Variants in NAV2 observed in about 807,000 individuals in gnomAD.
NAV2 encodes neuron navigator 2.
NAV2 carries 54 observed loss-of-function variants against 223.2 expected under a neutral mutation model. That is an observed-to-expected ratio of 0.24 (90% CI 0.19 to 0.30). The LOEUF is 0.30. Ranked by LOEUF, NAV2 falls within the 10% of genes least tolerant of loss-of-function variation. The probability of loss-of-function intolerance (pLI) is 1.00; values close to 1 mark genes in which losing one functional copy is unlikely to be tolerated. For synonymous variants in NAV2, 1,279 were observed against 1,239.3 expected, an observed-to-expected ratio of 1.03 and a Z score of -0.67; for missense variants, 2,806 against 3,147.5, an observed-to-expected ratio of 0.89 and a Z score of 2.60.
chr11:19,432,973 T>C (rs958812048), intron 1 of NAV2, among the ~76,000 whole-genome samples: 9 of 152,212 alleles, frequency 5.9e-5, no homozygotes, highest in African/African-American at 1.9e-4. Context: ...ACCCCATTCC[T>C]TTCCATATTG....
At chr11:20,040,451 G>A (rs2056806481) in intron 12 of NAV2, among the ~76,000 whole-genome samples, 1 of 152,176 alleles carries the variant, frequency 6.6e-6, no homozygotes, top group African/African-American at 2.4e-5. Flanking sequence ...TTTTATACAT[G>A]AGTTAATAAG....
chr11:20,082,541 T>G, intron 25 of NAV2: 1 of 1,606,608 alleles, frequency 6.2e-7, no homozygotes, highest in Non-Finnish European at 8.5e-7. Context: ...TGTTAAAAAA[T>G]TGTCTTTTTT....
chr11:19,695,040 G>A lies in NAV2; in HGVS notation c.76-137444G>A, dbSNP rs554264917. Among the ~76,000 whole-genome samples, 9 of 152,318 alleles carry A rather than the reference G, an allele frequency of 5.9e-5. No homozygotes were observed. The South Asian group carries it at 1.7e-3, about 28-fold the overall frequency. On this transcript the variant is annotated intron_variant, in intron 1 of 37. Coordinates refer to the NAV2 transcript ENST00000360655. The stretch of plus-strand genomic sequence containing the variant: ...TGCCTGAGAGAGCTGCCACCACTTG[G>A]CTTGGATCAGGGAATGTACTCCCAG...
chr11:20,117,736 T>C (rs2063241082), intron 37 of NAV2, among the ~76,000 whole-genome samples: 1 of 152,168 alleles, frequency 6.6e-6, no homozygotes, highest in South Asian at 2.1e-4. Context: ...CACACCTTCA[T>C]CCAGGCCGAG....
chr11:19,733,727 C>A (rs532269038), intron 1 of NAV2, among the ~76,000 whole-genome samples: 1 of 151,876 alleles, frequency 6.6e-6, no homozygotes, highest in African/African-American at 2.4e-5. Context: ...TAGGGGAAGG[C>A]GGGCTGAAAA....
At chr11:19,698,927 C>A (rs2049427264) in intron 1 of NAV2, among the ~76,000 whole-genome samples, 1 of 152,158 alleles carries the variant, frequency 6.6e-6, no homozygotes, top group Non-Finnish European at 1.5e-5. Flanking sequence ...CTTTTCCATA[C>A]CTGAACTCCA....
chr11:19,913,052 G>T (rs1011587532), intron 6 of NAV2, among the ~76,000 whole-genome samples: 3 of 152,144 alleles, frequency 2.0e-5, no homozygotes, highest in Non-Finnish European at 4.4e-5. Flanking sequence ...ACTCCTCCAG[G>T]ATTACAGCTG....
chr11:19,386,962 C>A (rs1388105191), intron 1 of NAV2, among the ~76,000 whole-genome samples: 1 of 152,066 alleles, frequency 6.6e-6, no homozygotes, highest in Non-Finnish European at 1.5e-5. Flanking sequence ...GTGCTGGGAG[C>A]TGCTTATCAA....
At chr11:19,387,158 G>A (rs1286870564) in intron 1 of NAV2, among the ~76,000 whole-genome samples, 1 of 152,190 alleles carries the variant, frequency 6.6e-6, no homozygotes, top group Admixed American at 6.5e-5. Flanking sequence ...ACACGAGACA[G>A]TTGATTGGTT....
chr11:20,077,331 G>C (rs1311243697), intron 22 of NAV2, among the ~76,000 whole-genome samples: 1 of 152,074 alleles, frequency 6.6e-6, no homozygotes, highest in Non-Finnish European at 1.5e-5. Flanking sequence ...GGGAAAAGAT[G>C]TACAAGGGCC....
chr11:19,579,562 A>C (rs934242124), intron 1 of NAV2, among the ~76,000 whole-genome samples: 6 of 152,246 alleles, frequency 3.9e-5, no homozygotes, highest in Non-Finnish European at 7.3e-5. Flanking sequence ...ATCATCTTGA[A>C]TATGTTGATT....
chr11:19,401,611 G>A (rs1697292085), intron 1 of NAV2, among the ~76,000 whole-genome samples: 1 of 152,120 alleles, frequency 6.6e-6, no homozygotes, highest in African/African-American at 2.4e-5. Flanking sequence ...AGGAAGAAAG[G>A]GTAATCCAGA....
chr11:19,441,777 G>A (rs1436457774), intron 1 of NAV2, among the ~76,000 whole-genome samples: 1 of 152,164 alleles, frequency 6.6e-6, no homozygotes, highest in Admixed American at 6.5e-5. Flanking sequence ...CTTCAGCAGG[G>A]AGCCAGGGGC....
At chr11:19,590,824 G>A (rs1471662496) in intron 1 of NAV2, among the ~76,000 whole-genome samples, 1 of 152,014 alleles carries the variant, frequency 6.6e-6, no homozygotes, top group Non-Finnish European at 1.5e-5. Context: ...TGCCCATCAG[G>A]GTCATCTTAG....
At chr11:19,351,897 C>G (rs1461937896) in intron 1 of NAV2, among the ~76,000 whole-genome samples, 2 of 147,390 alleles carry the variant, frequency 1.4e-5, no homozygotes, top group Non-Finnish European at 3.0e-5. Context: ...AAGATTGACT[C>G]TTCCCAGTGT....
chr11:19,430,455 C>T (rs765248100), intron 1 of NAV2, among the ~76,000 whole-genome samples: 3 of 152,222 alleles, frequency 2.0e-5, no homozygotes, highest in Admixed American at 2.0e-4. Context: ...ACTGGCATTC[C>T]CTGTCCCATA....
chr11:19,876,216 C>T (rs572344932), intron 4 of NAV2, among the ~76,000 whole-genome samples: 6 of 152,004 alleles, frequency 3.9e-5, no homozygotes, highest in Non-Finnish European at 8.8e-5. Context: ...TTAGTAGAGA[C>T]GGTGTTTCAC....
chr11:19,670,765 C>T (rs979986326), intron 1 of NAV2, among the ~76,000 whole-genome samples: 2 of 152,214 alleles, frequency 1.3e-5, no homozygotes, highest in African/African-American at 4.8e-5. Flanking sequence ...CTGCAGCTTG[C>T]GGGCACCTCT....
At chr11:19,696,399 C>T (rs1415838895) in intron 1 of NAV2, among the ~76,000 whole-genome samples, 1 of 152,224 alleles carries the variant, frequency 6.6e-6, no homozygotes, top group Non-Finnish European at 1.5e-5. Flanking sequence ...CAAACACTGA[C>T]CTGCCCAAAA....
Sources: gnomAD v4.1 joint callset for allele counts (sites outside exome capture counted in the v4.1 genomes callset) on GRCh38, gnomAD v4.1.1 for gene constraint, MANE v1.5 for transcripts, NCBI Gene and HGNC (gene_info 2026-07-23, HGNC 2026-07-21) for gene names.